TMOD2: variants seen among roughly 807,000 people sequenced by gnomAD.
TMOD2 encodes the protein tropomodulin 2.
Under a neutral mutation model 39.9 loss-of-function variants are expected in TMOD2, and 22 were observed. The ratio of observed to expected loss-of-function variants is 0.55; its 90% CI spans 0.39 to 0.79. The LOEUF is 0.79. Among genes scored for constraint, TMOD2 ranks in the 30% least tolerant of loss-of-function variants. The pLI is 0.00. For missense variants in TMOD2, 386 were observed against 413.3 expected (o/e 0.93, Z 0.57); for synonymous variants, 123 against 146.1 (o/e 0.84, Z 1.14).
At chr15:51,795,442 A>AG (rs199542034) in intron 7 of TMOD2, among the ~76,000 whole-genome samples, 4,999 of 151,710 alleles carry the variant, frequency 0.033, 132 homozygotes, top group Non-Finnish European at 0.05. Flanking sequence ...AAAAAAAAAA[A>AG]AAGTTTTTTT....
At position 51,763,039 on chromosome 15, in the gene TMOD2, A is replaced by G. The variant is rs547171387; in HGVS notation, c.-69-3334A>G. Among the ~76,000 whole-genome samples, 16 of 151,948 alleles carry G rather than the reference A, an allele frequency of 1.1e-4. No homozygotes were observed. The South Asian group carries it at 3.3e-3, about 32-fold the overall frequency. On this transcript the variant is annotated intron_variant, in intron 1 of 9. Coordinates refer to ENST00000249700, the MANE Select transcript of TMOD2 (RefSeq NM_014548.4). ...CATCCTCGACCTCCTGGCTGAAGCA[A>G]TTCTCCCACCCCAACCTCCCGAATA... is the stretch of plus-strand genomic sequence containing the variant.
chr15:51,760,865 T>C (rs1386468883), intron 1 of TMOD2, among the ~76,000 whole-genome samples: 1 of 152,072 alleles, frequency 6.6e-6, no homozygotes, highest in African/African-American at 2.4e-5. Context: ...TGTTTTGCCA[T>C]GTAAAGTAAC....
At chr15:51,752,316 C>T (rs1406700440) in intron 1 of TMOD2, among the ~76,000 whole-genome samples, 4 of 152,172 alleles carry the variant, frequency 2.6e-5, no homozygotes, top group Non-Finnish European at 4.4e-5. Flanking sequence ...TCCCTTGAGG[C>T]TTCCTAAATG....
In TMOD2 at chr15:51,811,046, T is replaced by C. The variant is rs1009567971; in HGVS notation, c.*2592T>C. The C allele has an allele frequency of 6.6e-6, 1 of 152,212 alleles. No homozygotes were observed. The highest frequency in any genetic ancestry group is 1.9e-4 in the East Asian group (1 of 5,198). The allele number at this position is 152,212 out of a possible 1,614,324, so 9.4% of individuals were successfully genotyped here. A position where few individuals can be genotyped will look rare whatever the true frequency, so the allele number is the denominator to read the frequency against. ...CAACAGAGTCTATGAAATCAAATGT[T>C]TTTTACTAATCAGTTTGTTTTCTTA... On this transcript the variant is annotated 3_prime_UTR_variant, in exon 10 of 10. Coordinates refer to ENST00000249700, the MANE Select transcript of TMOD2 (RefSeq NM_014548.4).
chr15:51,764,123 CA>C (rs975821141), intron 1 of TMOD2, among the ~76,000 whole-genome samples: 7 of 150,080 alleles, frequency 4.7e-5, no homozygotes, highest in African/African-American at 1.2e-4. Flanking sequence ...CTCATCTCTA[CA>C]AAAAAAAATT....
At chr15:51,760,877 T>C (rs1030708431) in intron 1 of TMOD2, among the ~76,000 whole-genome samples, 2 of 151,996 alleles carry the variant, frequency 1.3e-5, no homozygotes, top group Non-Finnish European at 1.5e-5. Context: ...TAAAGTAACA[T>C]ATAGATGTGA....
At position 51,816,282 on chromosome 15, in the gene TMOD2, A is replaced by G. The variant is rs1458579564; in HGVS notation, c.*7828A>G. ...CTTTCTGCTTTCGAAGGTATAATGTATCTATTTCTGTCAGGAATGATATTT... is the reference window on the plus strand; with the variant it reads ...CTTTCTGCTTTCGAAGGTATAATGTGTCTATTTCTGTCAGGAATGATATTT... On this transcript the variant is annotated 3_prime_UTR_variant, in exon 10 of 10. Transcript: ENST00000249700. 1 of 152,214 alleles carries G rather than the reference A, an allele frequency of 6.6e-6. No individual in the cohort carries two copies. Among genetic ancestry groups the G allele is most frequent in the African/African-American group, 2.4e-5 (1 of 41,456 alleles). The allele number at this position is 152,214 out of a possible 1,614,324, so 9.4% of individuals were successfully genotyped here. A position where few individuals can be genotyped will look rare whatever the true frequency, so the allele number is the denominator to read the frequency against.
intron 7 of TMOD2, among the ~76,000 whole-genome samples, chr15:51,785,898 C>T (rs990824132): frequency 3.3e-5 from 5 of 152,210 alleles, no homozygotes; most frequent in East Asian, 3.9e-4. Flanking sequence ...CAAAATATTA[C>T]ATACACCCCC....
rs554272665 is a variant in TMOD2, at chr15:51,789,925, C to T, written c.732+7097C>T. ...GAAAGCAGGAGAAATCTAAAATCGA[C>T]ACCCTAACATCACAATTAAAAGAAC... On this transcript the variant is annotated intron_variant, in intron 7 of 9. Coordinates refer to ENST00000249700, the MANE Select transcript of TMOD2 (RefSeq NM_014548.4). Among the ~76,000 whole-genome samples the T allele has an allele frequency of 5.9e-5, 9 of 152,236 alleles. No homozygotes were observed. The East Asian group carries it at 1.5e-3, about 26-fold the overall frequency.
intron 1 of TMOD2, among the ~76,000 whole-genome samples, chr15:51,759,608 A>T (rs1567234421): frequency 6.6e-6 from 1 of 152,026 alleles, no homozygotes. Context: ...ATCTTTAAGG[A>T]CTCTTTCAGC....
At chr15:51,797,648 C>G (rs1363976133) in intron 7 of TMOD2, among the ~76,000 whole-genome samples, 1 of 152,158 alleles carries the variant, frequency 6.6e-6, no homozygotes, top group Non-Finnish European at 1.5e-5. Flanking sequence ...TCCGCTGTCT[C>G]AAACTGGAGT....
intron 4 of TMOD2, among the ~76,000 whole-genome samples, chr15:51,775,238 C>A (rs932800763): frequency 6.6e-6 from 1 of 152,204 alleles, no homozygotes. Flanking sequence ...GCACCTCTTA[C>A]ACTGGCTGGG....
At chr15:51,769,363 T>C (rs2055838166) in intron 3 of TMOD2, among the ~76,000 whole-genome samples, 1 of 152,164 alleles carries the variant, frequency 6.6e-6, no homozygotes, top group Non-Finnish European at 1.5e-5. Context: ...GAGGCTACCA[T>C]TAAAGTCTAG....
chr15:51,782,006 C>A (rs866363709), intron 6 of TMOD2, among the ~76,000 whole-genome samples: 2 of 152,246 alleles, frequency 1.3e-5, no homozygotes, highest in African/African-American at 4.8e-5. Context: ...GAGTTGTTAA[C>A]GTCATAGAGT....
At chr15:51,787,289 GC>G (rs1482749637) in intron 7 of TMOD2, among the ~76,000 whole-genome samples, 1 of 152,224 alleles carries the variant, frequency 6.6e-6, no homozygotes, top group African/African-American at 2.4e-5. Context: ...AGGGGCATCT[GC>G]CATTGCTGAG....
rs2056146828 is a variant in TMOD2 at position 51,810,166 on chromosome 15, TTCAC to T, written c.*1713_*1716del. 1 of 152,196 alleles carries T rather than the reference TTCAC, an allele frequency of 6.6e-6. No individual in the cohort carries two copies. The highest frequency in any genetic ancestry group is 6.5e-5 in the Admixed American group (1 of 15,280). 9.4% of individuals were successfully genotyped at this position (152,196 alleles called of 1,614,324 possible). A position where few individuals can be genotyped will look rare whatever the true frequency, so the allele number is the denominator to read the frequency against. ...TTTTCAGTCTGATTTTTCCTTCCCT[TTCAC>T]CCATTTAGGTGTGATGTGTTGGAGT... is the stretch of plus-strand genomic sequence containing the variant. On this transcript the variant is annotated 3_prime_UTR_variant, in exon 10 of 10. Coordinates refer to ENST00000249700, the MANE Select transcript of TMOD2 (RefSeq NM_014548.4).
chr15:51,785,061 A>AT (rs2055958568), intron 7 of TMOD2: 1 of 152,314 alleles, frequency 6.6e-6, no homozygotes, highest in African/African-American at 2.4e-5. Context: ...TAGGAGCTGG[A>AT]TTTTTTGGGT....
chr15:51,780,623 G>A (rs2055923192), intron 5 of TMOD2, among the ~76,000 whole-genome samples: 1 of 152,160 alleles, frequency 6.6e-6, no homozygotes, highest in Non-Finnish European at 1.5e-5. Flanking sequence ...GGAGGGTAGG[G>A]TATAATCAAG....
intron 7 of TMOD2, among the ~76,000 whole-genome samples, chr15:51,786,892 T>A (rs1669212317): frequency 6.6e-6 from 1 of 152,242 alleles, no homozygotes; most frequent in South Asian, 2.1e-4. Context: ...AGCTCTAGTC[T>A]ACAGCTCCCA....
Sources: allele counts gnomAD v4.1 joint callset (sites outside exome capture counted in the v4.1 genomes callset), GRCh38; gene constraint gnomAD v4.1.1; transcripts MANE v1.5; gene names NCBI Gene and HGNC (gene_info 2026-07-23, HGNC 2026-07-21).